The following UAP1 variants were observed in gnomAD, a reference collection of about 807,000 sequenced individuals.
The protein encoded by UAP1 is UDP-N-acetylglucosamine pyrophosphorylase 1.
Under a neutral mutation model 58.5 loss-of-function variants are expected in UAP1, and 25 were observed. That is an observed-to-expected ratio of 0.43 (90% CI 0.31 to 0.60). The LOEUF (loss-of-function observed/expected upper bound fraction) is 0.60, where lower values mean the gene tolerates loss of function less well. Among genes scored for constraint, UAP1 ranks in the 20% least tolerant of loss-of-function variants. The pLI is 0.11. For synonymous variants in UAP1, 208 were observed against 213.0 expected (o/e 0.98, Z 0.21); for missense variants, 575 against 630.0 (o/e 0.91, Z 0.93).
chr1:162,584,331 C>A (rs1251652499), intron 5 of UAP1, among the ~76,000 whole-genome samples: 1 of 152,162 alleles, frequency 6.6e-6, no homozygotes, highest in Non-Finnish European at 1.5e-5. Flanking sequence ...ATATTAAAAT[C>A]TTTTAGAAAT....
intron 5 of UAP1, among the ~76,000 whole-genome samples, chr1:162,586,661 T>A (rs377528978): frequency 6.6e-6 from 1 of 152,310 alleles, no homozygotes; most frequent in South Asian, 2.1e-4. Flanking sequence ...CTTAAGTCAG[T>A]GATGTGTGGG....
intron 9 of UAP1, among the ~76,000 whole-genome samples, chr1:162,595,400 AT>A (rs1359286442): frequency 6.6e-6 from 1 of 151,330 alleles, no homozygotes; most frequent in Non-Finnish European, 1.5e-5. Flanking sequence ...GTGGGCCCTC[AT>A]TTTTTCCTTT....
At chr1:162,566,807 A>G (rs922718502) in intron 2 of UAP1, among the ~76,000 whole-genome samples, 1 of 152,016 alleles carries the variant, frequency 6.6e-6, no homozygotes, top group East Asian at 1.9e-4. Flanking sequence ...TTGTATTTTT[A>G]GTATAGATAG....
At chr1:162,571,215 G>T (rs148785680) in intron 2 of UAP1, among the ~76,000 whole-genome samples, 182 of 151,042 alleles carry the variant, frequency 1.2e-3, no homozygotes, top group Non-Finnish European at 2.2e-3. Context: ...TGCAACCTCT[G>T]CCTCCCAGGT....
exon 11 of UAP1, chr1:162,599,765 T>A (rs1469008253): frequency 6.5e-6 from 1 of 154,038 alleles, no homozygotes; most frequent in African/African-American, 2.4e-5. Context: ...AAGTTTGTTT[T>A]ATTTTATCAA....
chr1:162,599,465 C>A, exon 11 of UAP1: 3 of 712,162 alleles, frequency 4.2e-6, no homozygotes, highest in Non-Finnish European at 7.1e-6. Context: ...GTTTAAATAT[C>A]CACAGGGTTT....
intron 2 of UAP1, among the ~76,000 whole-genome samples, chr1:162,568,298 A>G (rs1376508660): frequency 2.0e-5 from 3 of 152,012 alleles, no homozygotes; most frequent in Admixed American, 2.0e-4. Flanking sequence ...AAATTTACTG[A>G]TTTTCAAAGG....
At chr1:162,601,084 G>A (rs190920809), downstream of UAP1, among the ~76,000 whole-genome samples, 1 of 152,192 alleles carries the variant, frequency 6.6e-6, no homozygotes, top group Non-Finnish European at 1.5e-5. Flanking sequence ...GGGTAGTTAA[G>A]AGCAAACTCT....
At chr1:162,589,651 C>T (rs895775328) in intron 7 of UAP1, among the ~76,000 whole-genome samples, 2 of 151,892 alleles carry the variant, frequency 1.3e-5, no homozygotes, top group Non-Finnish European at 2.9e-5. Flanking sequence ...CAGAATTTGA[C>T]GAGTGCAAAA....
At chr1:162,572,360 A>G (rs982484831) in intron 2 of UAP1, among the ~76,000 whole-genome samples, 2 of 152,234 alleles carry the variant, frequency 1.3e-5, no homozygotes, top group African/African-American at 4.8e-5. Flanking sequence ...AAAAGTTTAT[A>G]CAGGGCTATT....
chr1:162,587,410 A>G, intron 5 of UAP1, 65 bp from the exon 6 acceptor site: 2 of 1,446,960 alleles, frequency 1.4e-6, no homozygotes, highest in East Asian at 2.3e-5. Flanking sequence ...ATCTTTGACA[A>G]TGGCAAATCT....
chr1:162,599,981 C>T (rs1220699095), downstream of UAP1: 1 of 152,142 alleles, frequency 6.6e-6, no homozygotes, highest in Non-Finnish European at 1.5e-5. Flanking sequence ...TAACTTTGGG[C>T]TTTATCTTCT....
chr1:162,593,914 C>G (rs1316594525), intron 9 of UAP1, among the ~76,000 whole-genome samples: 1 of 152,124 alleles, frequency 6.6e-6, no homozygotes, highest in African/African-American at 2.4e-5. Flanking sequence ...CAGACAAATT[C>G]CTGTGAGTGT....
At chr1:162,569,930 A>T (rs1350581498) in intron 2 of UAP1, among the ~76,000 whole-genome samples, 1 of 152,074 alleles carries the variant, frequency 6.6e-6, no homozygotes, top group Non-Finnish European at 1.5e-5. Flanking sequence ...CAGGAGGATC[A>T]TGAGGTCAGG....
chr1:162,597,357 G>T (rs1655675267), intron 9 of UAP1: 1 of 154,950 alleles, frequency 6.5e-6, no homozygotes, highest in Admixed American at 6.4e-5. Flanking sequence ...TACAGCTTTA[G>T]AATGTTTGTC....
chr1:162,577,683 C>T (rs1654290363), intron 3 of UAP1, among the ~76,000 whole-genome samples: 1 of 151,616 alleles, frequency 6.6e-6, no homozygotes, highest in African/African-American at 2.4e-5. Flanking sequence ...GCGATTTCGG[C>T]CCACTGCAAC....
chr1:162,590,527 TTC>T lies in UAP1; in HGVS notation c.1358+20_1358+21del. 6.3e-7 allele frequency: 1 copy of T among 1,585,688 alleles called. No homozygotes were observed. The highest frequency in any genetic ancestry group is 1.2e-5 in the South Asian group (1 of 85,968). On this transcript the variant is annotated intron_variant, in intron 8 of 10. Transcript: ENST00000271469. ...CAATTCCCCGGTAAGTCAGTATCTT[TTC>T]TCTTTTGTATGAATCCTTTCTTGGA...
chr1:162,571,124 T>TCTTG (rs1380029936), intron 2 of UAP1, among the ~76,000 whole-genome samples: 1 of 151,782 alleles, frequency 6.6e-6, no homozygotes, highest in East Asian at 1.9e-4. Flanking sequence ...CTTCTGATTT[T>TCTTG]TTTGTTTGTT....
Position 162,590,313 on chromosome 1 carries a change from T to C in UAP1, c.1170-10T>C. On this transcript the variant is annotated splice_polypyrimidine_tract_variant and intron_variant, in intron 7 of 10. Coordinates refer to ENST00000271469, the Ensembl canonical transcript of UAP1. ...CATAATAAAGAGGTCTTTATATGGT[T>C]TCGCTCTAGGAAGTTTGTGGTATAT... 1 of 1,605,188 alleles carries C rather than the reference T, an allele frequency of 6.2e-7. No individual in the cohort carries two copies. The highest frequency in any genetic ancestry group is 8.5e-7 in the Non-Finnish European group (1 of 1,176,318).
Sources: allele counts gnomAD v4.1 joint callset (sites outside exome capture counted in the v4.1 genomes callset), GRCh38; gene constraint gnomAD v4.1.1; transcripts MANE v1.5; gene names NCBI Gene and HGNC (gene_info 2026-07-23, HGNC 2026-07-21).